TAFA2: variants seen among roughly 807,000 people sequenced by gnomAD.
The protein encoded by TAFA2 is TAFA chemokine like family member 2.
In TAFA2, 7 loss-of-function variants were observed where a neutral mutation model predicts 18.8. The ratio of observed to expected loss-of-function variants is 0.37; its 90% CI spans 0.21 to 0.70. The LOEUF is 0.70. Ranked by LOEUF, TAFA2 falls within the 30% of genes least tolerant of loss-of-function variation. TAFA2 has a pLI of 0.53. For missense variants in TAFA2, 122 were observed against 158.1 expected (o/e 0.77, Z 1.23); for synonymous variants, 60 against 54.2 (o/e 1.11, Z -0.47).
intron 4 of TAFA2, among the ~76,000 whole-genome samples, chr12:61,735,772 T>C (rs533257288): frequency 6.6e-6 from 1 of 152,012 alleles, no homozygotes; most frequent in East Asian, 1.9e-4. Context: ...TAATTCACTA[T>C]TGTATATTAT....
chr12:61,799,045 C>G (rs1447699845), intron 2 of TAFA2, among the ~76,000 whole-genome samples: 1 of 152,182 alleles, frequency 6.6e-6, no homozygotes, highest in East Asian at 1.9e-4. Flanking sequence ...CTTCCTTTAT[C>G]CTCAGCTCTA....
chr12:62,098,686 A>G (rs2136845122), intron 1 of TAFA2, among the ~76,000 whole-genome samples: 1 of 152,318 alleles, frequency 6.6e-6, no homozygotes, highest in South Asian at 2.1e-4. Flanking sequence ...CGCCTCTTGC[A>G]AGAAAATTAG....
chr12:62,144,122 G>T (rs2062261650), intron 1 of TAFA2, among the ~76,000 whole-genome samples: 1 of 149,638 alleles, frequency 6.7e-6, no homozygotes, highest in Non-Finnish European at 1.5e-5. Context: ...TTCCTTCTCT[G>T]CAGGAAACAA....
intron 1 of TAFA2, among the ~76,000 whole-genome samples, chr12:62,063,394 C>T (rs956372810): frequency 2.0e-5 from 3 of 152,116 alleles, no homozygotes; most frequent in South Asian, 2.1e-4. Context: ...GAGCCATTTC[C>T]TACCATCAAA....
intron 1 of TAFA2, among the ~76,000 whole-genome samples, chr12:61,950,773 C>T (rs1878438293): frequency 2.0e-5 from 3 of 152,098 alleles, no homozygotes; most frequent in Admixed American, 2.0e-4. Flanking sequence ...AAGTCTGTTT[C>T]TTCTCTGCTC....
chr12:61,875,465 C>T (rs1216118202), intron 1 of TAFA2, among the ~76,000 whole-genome samples: 1 of 151,692 alleles, frequency 6.6e-6, no homozygotes, highest in Non-Finnish European at 1.5e-5. Context: ...TATAGTATGA[C>T]CAAAAGTGAG....
chr12:62,204,248 T>G (rs1360724072), intron 1 of TAFA2, among the ~76,000 whole-genome samples: 1 of 152,180 alleles, frequency 6.6e-6, no homozygotes, highest in East Asian at 1.9e-4. Flanking sequence ...GACCTGGCCT[T>G]TCTCTCTGGC....
chr12:61,915,705 C>T (rs113903412), intron 1 of TAFA2, among the ~76,000 whole-genome samples: 8 of 152,238 alleles, frequency 5.3e-5, no homozygotes, highest in South Asian at 4.1e-4. Flanking sequence ...TCCCAGACTC[C>T]GAAAGCCTGA....
At chr12:62,241,124 C>T (rs2062861196) in intron 1 of TAFA2, among the ~76,000 whole-genome samples, 2 of 152,076 alleles carry the variant, frequency 1.3e-5, no homozygotes, top group Non-Finnish European at 2.9e-5. Context: ...GTTTTGGTAC[C>T]AACCAGCACC....
At chr12:61,890,490 A>C (rs1448263635) in intron 1 of TAFA2, 3 of 152,238 alleles carry the variant, frequency 2.0e-5, no homozygotes, top group African/African-American at 7.2e-5. Context: ...TGAATGTTAC[A>C]CCTCACTGGG....
intron 2 of TAFA2, among the ~76,000 whole-genome samples, chr12:61,794,774 C>T (rs1461133225): frequency 1.3e-5 from 2 of 152,020 alleles, no homozygotes; most frequent in African/African-American, 4.8e-5. Context: ...AAAGAAACCA[C>T]CATCAGAGTG....
chr12:61,718,511 T>C (rs1869759174), intron 4 of TAFA2, among the ~76,000 whole-genome samples: 1 of 152,172 alleles, frequency 6.6e-6, no homozygotes, highest in Non-Finnish European at 1.5e-5. Context: ...AAAATTAAGA[T>C]AATGGTGAAA....
intron 1 of TAFA2, among the ~76,000 whole-genome samples, chr12:62,151,287 G>T (rs2062326922): frequency 6.6e-6 from 1 of 152,060 alleles, no homozygotes; most frequent in Non-Finnish European, 1.5e-5. Flanking sequence ...GCAGAATGCA[G>T]CCCATGCTGA....
chr12:62,007,221 A>G (rs972992315), intron 1 of TAFA2, among the ~76,000 whole-genome samples: 27 of 152,148 alleles, frequency 1.8e-4, no homozygotes, highest in Admixed American at 6.5e-4. Context: ...AATGTTCTTT[A>G]CACACATAGA....
chr12:62,090,778 G>T (rs1210759604), intron 1 of TAFA2, among the ~76,000 whole-genome samples: 1 of 152,032 alleles, frequency 6.6e-6, no homozygotes, highest in Non-Finnish European at 1.5e-5. Context: ...GTTAGAGTAA[G>T]AAGAATGAAC....
At position 61,807,196 on chromosome 12, in the gene TAFA2, T is replaced by A. The variant is rs896174420; in HGVS notation, c.107-52172A>T. ...CTGGGCCCAGGTTCCTCATGCTGTG[T>A]GCAGCCTAGGGACTTGGTGTACTGT... On this transcript the variant is annotated intron_variant, in intron 2 of 4. Transcript: ENST00000416284. 6.6e-5 allele frequency among the ~76,000 whole-genome samples: 10 copies of A among 151,348 alleles called. 1 individual carries two copies. Among genetic ancestry groups the A allele is most frequent in the African/African-American group, 2.5e-4 (10 of 40,680 alleles).
chr12:61,725,225 C>T (rs1026712546), intron 4 of TAFA2, among the ~76,000 whole-genome samples: 15 of 152,076 alleles, frequency 9.9e-5, no homozygotes, highest in African/African-American at 3.6e-4. Context: ...GTCTCCCACT[C>T]TGTGGGTTGT....
chr12:62,168,947 C>CAT (rs1051812224), intron 1 of TAFA2, among the ~76,000 whole-genome samples: 1 of 149,154 alleles, frequency 6.7e-6, no homozygotes, highest in African/African-American at 2.5e-5. Context: ...TCACTCTCTA[C>CAT]ACACACACAC....
intron 1 of TAFA2, among the ~76,000 whole-genome samples, chr12:62,023,424 A>G (rs894552024): frequency 6.6e-6 from 1 of 152,094 alleles, no homozygotes; most frequent in Non-Finnish European, 1.5e-5. Flanking sequence ...TCATATATAC[A>G]TCTAGGATAT....
Sources: allele counts gnomAD v4.1 joint callset (sites outside exome capture counted in the v4.1 genomes callset), GRCh38; gene constraint gnomAD v4.1.1; transcripts MANE v1.5; gene names NCBI Gene and HGNC (gene_info 2026-07-23, HGNC 2026-07-21).